Variants in CDKL4 observed in about 807,000 individuals in gnomAD.
CDKL4 encodes the protein cyclin dependent kinase like 4.
CDKL4 carries 44 observed loss-of-function variants against 42.0 expected under a neutral mutation model. The ratio of observed to expected loss-of-function variants is 1.05; its 90% CI spans 0.82 to 1.35. The LOEUF (loss-of-function observed/expected upper bound fraction) is 1.35. CDKL4 is among the 40% of genes most tolerant of loss of function. The probability of loss-of-function intolerance (pLI) is 0.00; values close to 1 mark genes in which losing one functional copy is unlikely to be tolerated. For missense variants in CDKL4, 393 were observed against 369.9 expected, an observed-to-expected ratio of 1.06 and a Z score of -0.51; for synonymous variants, 120 against 121.6, an observed-to-expected ratio of 0.99 and a Z score of 0.09.
intron 8 of CDKL4, among the ~76,000 whole-genome samples, chr2:39,182,822 T>C (rs1365464485): frequency 1.3e-5 from 2 of 152,192 alleles, no homozygotes; most frequent in East Asian, 3.8e-4. Context: ...TTAAACCTAA[T>C]GAAGAGAACA....
At chr2:39,243,971 G>A (rs759514854), upstream of CDKL4, among the ~76,000 whole-genome samples, 2 of 152,276 alleles carry the variant, frequency 1.3e-5, no homozygotes, top group Admixed American at 1.3e-4. Context: ...TGTACCCAGC[G>A]ACTTCGGAGC....
chr2:39,188,746 G>C (rs1675993315), intron 6 of CDKL4, among the ~76,000 whole-genome samples: 2 of 152,020 alleles, frequency 1.3e-5, no homozygotes, highest in African/African-American at 4.8e-5. Context: ...CTGGAGTGCA[G>C]TGGCATGATC....
intron 3 of CDKL4, among the ~76,000 whole-genome samples, chr2:39,221,181 T>C (rs919548879): frequency 1.3e-5 from 2 of 151,178 alleles, no homozygotes; most frequent in Admixed American, 1.3e-4. Context: ...GCCTGGCTAA[T>C]TTTTTTGTAT....
downstream of CDKL4, among the ~76,000 whole-genome samples, chr2:39,173,651 T>A (rs1195730676): frequency 6.6e-6 from 1 of 151,882 alleles, no homozygotes; most frequent in Non-Finnish European, 1.5e-5. Flanking sequence ...CTACTAAAAA[T>A]ACAAAACAAT....
chr2:39,180,663 G>C (rs1340812237), intron 8 of CDKL4, among the ~76,000 whole-genome samples: 1 of 151,762 alleles, frequency 6.6e-6, no homozygotes, highest in Non-Finnish European at 1.5e-5. Flanking sequence ...AGTACTGTTA[G>C]GGCTACAATC....
At chr2:39,204,306 T>C (rs1677033277) in intron 5 of CDKL4, among the ~76,000 whole-genome samples, 1 of 152,210 alleles carries the variant, frequency 6.6e-6, no homozygotes, top group Non-Finnish European at 1.5e-5. Flanking sequence ...TCCTTTCCTA[T>C]GGGGCAAAGC....
chr2:39,179,231 T>C (rs2148278504), exon 9 of CDKL4: 1 of 1,613,544 alleles, frequency 6.2e-7, no homozygotes, highest in Non-Finnish European at 8.5e-7. Flanking sequence ...GCTTTTCTTT[T>C]AATTTGGGCC....
chr2:39,204,152 T>C (rs935712481), intron 5 of CDKL4, among the ~76,000 whole-genome samples: 1 of 152,176 alleles, frequency 6.6e-6, no homozygotes, highest in Admixed American at 6.5e-5. Flanking sequence ...TTTCAACCAC[T>C]CTCGCCCACA....
At chr2:39,216,029 T>TAGCC (rs1261756675) in intron 3 of CDKL4, among the ~76,000 whole-genome samples, 3 of 152,216 alleles carry the variant, frequency 2.0e-5, no homozygotes, top group African/African-American at 7.2e-5. Flanking sequence ...AAGAATAGTA[T>TAGCC]AGCCATGTTG....
intron 3 of CDKL4, 132 bp from the exon 4 acceptor site, chr2:39,213,604 T>C: frequency 2.1e-6 from 1 of 472,090 alleles, no homozygotes; most frequent in Admixed American, 3.7e-5. Context: ...CCTAAAAATA[T>C]ATTTTAGTGA....
At chr2:39,215,683 AG>A (rs1677873895) in intron 3 of CDKL4, among the ~76,000 whole-genome samples, 1 of 152,244 alleles carries the variant, frequency 6.6e-6, no homozygotes, top group South Asian at 2.1e-4. Context: ...GGGAAGGCCT[AG>A]GCATGACTCA....
At chr2:39,177,068 C>T (rs1232306995) in intron 9 of CDKL4, among the ~76,000 whole-genome samples, 2 of 152,132 alleles carry the variant, frequency 1.3e-5, no homozygotes, top group African/African-American at 2.4e-5. Context: ...GGATGGAGAA[C>T]ATGGGCTGAT....
chr2:39,201,851 G>A (rs1676872873), intron 5 of CDKL4, among the ~76,000 whole-genome samples: 1 of 152,124 alleles, frequency 6.6e-6, no homozygotes, highest in Non-Finnish European at 1.5e-5. Context: ...TCGGGCGGCG[G>A]GTGAGGGATA....
chr2:39,236,236 G>C (rs573568954), intron 1 of CDKL4, among the ~76,000 whole-genome samples: 1 of 149,808 alleles, frequency 6.7e-6, no homozygotes, highest in African/African-American at 2.4e-5. Context: ...GAAAGAATCA[G>C]TAAAATAGAC....
intron 7 of CDKL4, among the ~76,000 whole-genome samples, 200 bp from the exon 8 acceptor site, chr2:39,184,847 A>G (rs543216731): frequency 6.6e-6 from 1 of 151,518 alleles, no homozygotes; most frequent in African/African-American, 2.4e-5. Context: ...AGATTTTTCC[A>G]CCTCAGCCTC....
chr2:39,209,316 A>AG (rs567495134), intron 4 of CDKL4, among the ~76,000 whole-genome samples: 23 of 52,404 alleles, frequency 4.4e-4, no homozygotes, highest in Non-Finnish European at 1.2e-3. Flanking sequence ...TGTCTCAGGA[A>AG]GAAAAAAAAA....
upstream of CDKL4, among the ~76,000 whole-genome samples, chr2:39,246,015 A>C (rs1679898378): frequency 6.6e-6 from 1 of 152,200 alleles, no homozygotes; most frequent in South Asian, 2.1e-4. Context: ...TTTTGGCTAG[A>C]GCTTACCCAT....
At position 39,206,518 on chromosome 2, in the gene CDKL4, C is replaced by T. The variant is rs561180805; in HGVS notation, c.364-1901G>A. Among the ~76,000 whole-genome samples the T allele has an allele frequency of 1.9e-3, 282 of 152,316 alleles. 1 individual carries two copies. Among genetic ancestry groups the T allele is most frequent in the African/African-American group, 6.5e-3 (272 of 41,576 alleles). On this transcript the variant is annotated intron_variant, in intron 4 of 9. Coordinates refer to ENST00000451199, the Ensembl canonical transcript of CDKL4. ...TGAGGGCAGGCTGAGTAAGCCCGCGCGCACATGGGCATTCCAGAAATGGGT... is the reference window on the plus strand; with the variant it reads ...TGAGGGCAGGCTGAGTAAGCCCGCGTGCACATGGGCATTCCAGAAATGGGT...
chr2:39,215,753 A>G (rs1339425121), intron 3 of CDKL4, among the ~76,000 whole-genome samples: 2 of 152,214 alleles, frequency 1.3e-5, no homozygotes, highest in African/African-American at 4.8e-5. Flanking sequence ...AGTGATGTAC[A>G]CGGTATTTTC....
Sources: gnomAD v4.1 joint callset for allele counts (sites outside exome capture counted in the v4.1 genomes callset) on GRCh38, gnomAD v4.1.1 for gene constraint, MANE v1.5 for transcripts, NCBI Gene and HGNC (gene_info 2026-07-23, HGNC 2026-07-21) for gene names.